The following ATG10 variants were observed in gnomAD, a reference collection of about 807,000 sequenced individuals.
The protein encoded by ATG10 is autophagy related 10.
ATG10 carries 30 observed loss-of-function variants against 32.1 expected under a neutral mutation model. The ratio of observed to expected loss-of-function variants is 0.94; its 90% CI spans 0.70 to 1.27. ATG10 has a LOEUF of 1.27. ATG10 is among the 50% of genes most tolerant of loss of function. ATG10 has a pLI of 0.00. For missense variants in ATG10, 233 were observed against 262.3 expected (o/e 0.89, Z 0.77); for synonymous variants, 87 against 91.5 (o/e 0.95, Z 0.28).
At chr5:82,241,980 A>T (rs1456918376) in intron 5 of ATG10, among the ~76,000 whole-genome samples, 1 of 152,096 alleles carries the variant, frequency 6.6e-6, no homozygotes, top group African/African-American at 2.4e-5. Context: ...AGCCTCAAAG[A>T]ATTACCATAT....
chr5:82,110,516 A>G (rs1342995534), intron 3 of ATG10, among the ~76,000 whole-genome samples: 1 of 152,038 alleles, frequency 6.6e-6, no homozygotes, highest in Non-Finnish European at 1.5e-5. Context: ...ATGGTATCTC[A>G]TTGTGGTTTT....
At chr5:82,170,994 G>A (rs1470819382) in intron 4 of ATG10, among the ~76,000 whole-genome samples, 1 of 152,158 alleles carries the variant, frequency 6.6e-6, no homozygotes, top group African/African-American at 2.4e-5. Flanking sequence ...ACCTTAGGCT[G>A]TAGATATCCA....
intron 5 of ATG10, among the ~76,000 whole-genome samples, chr5:82,196,441 C>T (rs1384597044): frequency 6.6e-6 from 1 of 152,084 alleles, no homozygotes; most frequent in Non-Finnish European, 1.5e-5. Flanking sequence ...GGTATTATAT[C>T]TACAAAACTG....
chr5:82,102,867 T>TG (rs11453325), intron 3 of ATG10, among the ~76,000 whole-genome samples: 78,550 of 151,942 alleles, frequency 0.52, 21,021 homozygotes, highest in African/African-American at 0.63. Context: ...AGCCTCATTT[T>TG]CACCCAATTT....
rs529467845 is a variant in ATG10 at position 82,075,609 on chromosome 5, C to T, written c.216+17007C>T. Reference sequence around the variant, plus strand: ...AAGTAACTTTGGAGTAAATAAATTACAAATTTTTATTGAAATATTTTTTCA... The same window carrying T: ...AAGTAACTTTGGAGTAAATAAATTATAAATTTTTATTGAAATATTTTTTCA... On this transcript the variant is annotated intron_variant, in intron 3 of 7. Transcript: ENST00000282185. Among the ~76,000 whole-genome samples, 9 of 152,182 alleles carry T rather than the reference C, an allele frequency of 5.9e-5. No homozygotes were observed. In the East Asian group the frequency reaches 1.7e-3, roughly 29 times the overall value.
chr5:82,009,417 A>G (rs1185695133), intron 2 of ATG10, among the ~76,000 whole-genome samples: 4 of 152,096 alleles, frequency 2.6e-5, no homozygotes, highest in East Asian at 1.9e-4. Context: ...TTTCATAATC[A>G]TAAACTTAAC....
intron 5 of ATG10, among the ~76,000 whole-genome samples, chr5:82,226,690 T>G (rs972616670): frequency 6.6e-6 from 1 of 152,224 alleles, no homozygotes; most frequent in Non-Finnish European, 1.5e-5. Context: ...GCTTCTCTTA[T>G]AGCAACTTCA....
chr5:82,130,095 C>T (rs902612174), intron 3 of ATG10, among the ~76,000 whole-genome samples: 11 of 152,174 alleles, frequency 7.2e-5, no homozygotes, highest in South Asian at 2.1e-4. Flanking sequence ...TGCCAAGCTG[C>T]GGCGGGCTCC....
At chr5:82,169,071 A>G (rs1229057805) in intron 4 of ATG10, among the ~76,000 whole-genome samples, 1 of 152,186 alleles carries the variant, frequency 6.6e-6, no homozygotes, top group Non-Finnish European at 1.5e-5. Context: ...AGAGCCCACC[A>G]TATTTGGAGA....
At chr5:82,136,915 A>G (rs1382637723) in intron 3 of ATG10, among the ~76,000 whole-genome samples, 1 of 151,864 alleles carries the variant, frequency 6.6e-6, no homozygotes, top group East Asian at 1.9e-4. Flanking sequence ...ATTCCTTTTC[A>G]TTCTTTTTCT....
intron 5 of ATG10, among the ~76,000 whole-genome samples, chr5:82,194,815 G>A (rs557817982): frequency 6.6e-6 from 1 of 152,284 alleles, no homozygotes. Context: ...TGGCCCTGTA[G>A]GTATGCTCTG....
chr5:82,218,505 C>T (rs147000150), intron 5 of ATG10, among the ~76,000 whole-genome samples: 1 of 152,062 alleles, frequency 6.6e-6, no homozygotes, highest in East Asian at 1.9e-4. Flanking sequence ...TGGAGATAGA[C>T]CCATCATCAC....
At chr5:82,196,690 A>G (rs1456902060) in intron 5 of ATG10, among the ~76,000 whole-genome samples, 2 of 152,130 alleles carry the variant, frequency 1.3e-5, no homozygotes, top group Non-Finnish European at 2.9e-5. Flanking sequence ...TCAAAAATCA[A>G]TTTACCATAG....
chr5:82,026,638 GA>G (rs1343185341), intron 2 of ATG10, among the ~76,000 whole-genome samples: 1 of 152,084 alleles, frequency 6.6e-6, no homozygotes, highest in Non-Finnish European at 1.5e-5. Context: ...TTACATTCTT[GA>G]TAGAATTTCA....
intron 2 of ATG10, among the ~76,000 whole-genome samples, chr5:82,040,323 C>G (rs1460260793): frequency 6.6e-6 from 1 of 151,990 alleles, no homozygotes; most frequent in Non-Finnish European, 1.5e-5. Flanking sequence ...ATCAAATTAG[C>G]AAAGAATAAA....
chr5:82,010,185 GT>G, intron 2 of ATG10: 1 of 1,056,900 alleles, frequency 9.5e-7, no homozygotes, highest in Non-Finnish European at 1.4e-6. Context: ...ATGTTTCCAA[GT>G]ACAGACAAAA....
chr5:82,077,038 A>G (rs925603891), intron 3 of ATG10, among the ~76,000 whole-genome samples: 15 of 152,156 alleles, frequency 9.9e-5, no homozygotes, highest in African/African-American at 3.6e-4. Flanking sequence ...TAATTTTGAG[A>G]TCCAGCTGGG....
intron 5 of ATG10, among the ~76,000 whole-genome samples, chr5:82,226,051 CTCTG>C (rs1436325747): frequency 2.6e-5 from 4 of 152,302 alleles, no homozygotes; most frequent in Admixed American, 1.3e-4. Context: ...TTCTCTCTCT[CTCTG>C]TCTGTCTCTC....
At chr5:82,127,755 C>T (rs1158732915) in intron 3 of ATG10, among the ~76,000 whole-genome samples, 1 of 152,078 alleles carries the variant, frequency 6.6e-6, no homozygotes, top group Non-Finnish European at 1.5e-5. Context: ...AATGTATATG[C>T]TGTTGATTTG....
Sources: gnomAD v4.1 joint callset for allele counts (sites outside exome capture counted in the v4.1 genomes callset) on GRCh38, gnomAD v4.1.1 for gene constraint, MANE v1.5 for transcripts, NCBI Gene and HGNC (gene_info 2026-07-23, HGNC 2026-07-21) for gene names.